The following BOC variants were observed in gnomAD, a reference collection of about 807,000 sequenced individuals.
BOC encodes BOC cell adhesion associated, oncogene regulated.
In BOC, 76 loss-of-function variants were observed where a neutral mutation model predicts 112.0. The ratio of observed to expected loss-of-function variants is 0.68; its 90% CI spans 0.56 to 0.82. The LOEUF is 0.82. Ranked by LOEUF, BOC falls within the 40% of genes least tolerant of loss-of-function variation. The probability of loss-of-function intolerance (pLI) is 0.00; values close to 1 mark genes in which losing one functional copy is unlikely to be tolerated. For missense variants in BOC, 1,309 were observed against 1,511.7 expected, an observed-to-expected ratio of 0.87 and a Z score of 2.22; for synonymous variants, 580 against 599.8, an observed-to-expected ratio of 0.97 and a Z score of 0.48.
At chr3:113,231,699 C>G (rs941814911) in intron 2 of BOC, among the ~76,000 whole-genome samples, 2 of 152,118 alleles carry the variant, frequency 1.3e-5, no homozygotes, top group Admixed American at 1.3e-4. Context: ...ATAGCATTTT[C>G]CTAAATTATT....
Position 113,254,668 on chromosome 3 carries a change from C to T in BOC, c.376+3835C>T, listed in dbSNP as rs1210420353. ...ACCCACACACACTCAGCATGGTAGG[C>T]TTCCTTTTCCTCTGGCCTCTTCTCC... On this transcript the variant is annotated intron_variant, in intron 4 of 19. Transcript: ENST00000682979. Among the ~76,000 whole-genome samples, 5 of 152,242 alleles carry T rather than the reference C, an allele frequency of 3.3e-5. No individual in the cohort carries two copies. The East Asian group carries it at 9.6e-4, about 29-fold the overall frequency.
intron 4 of BOC, among the ~76,000 whole-genome samples, chr3:113,267,007 A>C (rs1048098648): frequency 6.6e-6 from 1 of 152,200 alleles, no homozygotes; most frequent in Admixed American, 6.5e-5. Flanking sequence ...TCTCCACTGG[A>C]AACAACAGCA....
intron 9 of BOC, among the ~76,000 whole-genome samples, chr3:113,277,523 C>T (rs764592310): frequency 4.6e-5 from 7 of 152,214 alleles, no homozygotes; most frequent in Non-Finnish European, 1.0e-4. Flanking sequence ...TTCTCTAAAC[C>T]TTAGTCTCCC....
chr3:113,262,588 G>A (rs74754353), intron 4 of BOC, among the ~76,000 whole-genome samples: 1,798 of 152,256 alleles, frequency 0.012, 39 homozygotes, highest in African/African-American at 0.041. Flanking sequence ...TGCCTGCCCA[G>A]CCCACAGTAA....
intron 15 of BOC, among the ~76,000 whole-genome samples, chr3:113,281,485 A>G (rs903712930): frequency 3.9e-5 from 6 of 152,232 alleles, no homozygotes; most frequent in African/African-American, 1.4e-4. Flanking sequence ...TAACTGAACT[A>G]CAATCCCATG....
Position 113,284,753 on chromosome 3 carries a change from G to A in BOC, c.2890-29G>A, listed in dbSNP as rs753962158. 12 of 1,607,820 alleles carry A rather than the reference G, an allele frequency of 7.5e-6. No homozygotes were observed. The East Asian group carries it at 2.5e-4, about 33-fold the overall frequency. On this transcript the variant is annotated intron_variant, in intron 17 of 19. Transcript: ENST00000682979. The stretch of plus-strand genomic sequence containing the variant: ...AAAGTTACCTGGACTCCCCGGCGTG[G>A]CCGTCTCATTACTCTTCCTTTTGAG...
chr3:113,285,669 G>A, intron 19 of BOC, 104 bp downstream of exon 19: 1 of 1,181,034 alleles, frequency 8.5e-7, no homozygotes, highest in Non-Finnish European at 1.2e-6. Context: ...GGCTTGGTAA[G>A]GAGCCAGCCA....
intron 2 of BOC, among the ~76,000 whole-genome samples, chr3:113,239,965 C>T (rs1439435222): frequency 6.6e-6 from 1 of 152,190 alleles, no homozygotes; most frequent in Non-Finnish European, 1.5e-5. Flanking sequence ...TTGTGTGTCT[C>T]CACCGACTCT....
At position 113,274,286 on chromosome 3, in the gene BOC, G is replaced by T; in HGVS notation, c.1235-89G>T. 1 of 1,344,322 alleles carries T rather than the reference G, an allele frequency of 7.4e-7. No individual in the cohort carries two copies. Among genetic ancestry groups the T allele is most frequent in the Non-Finnish European group, 9.9e-7 (1 of 1,008,680 alleles). 83.3% of individuals were successfully genotyped at this position (1,344,322 alleles called of 1,614,324 possible). On this transcript the variant is annotated intron_variant, in intron 8 of 19. Transcript: ENST00000682979. This position sits in a 1 kb window ranked among gnomAD's most constrained non-coding sequence, Gnocchi z 4.8. ...GATGGTGGGCCCAGGTTGCCTCTCT[G>T]TCTTCTTTCTGTTTTCTCCCCAGGA... is the stretch of plus-strand genomic sequence containing the variant.
chr3:113,221,120 G>A (rs948143208), intron 2 of BOC, among the ~76,000 whole-genome samples: 4 of 152,196 alleles, frequency 2.6e-5, no homozygotes, highest in African/African-American at 4.8e-5. Flanking sequence ...GGCAAATTAC[G>A]TAGACACTGA....
At chr3:113,224,755 T>C (rs1941367543) in intron 2 of BOC, among the ~76,000 whole-genome samples, 1 of 152,100 alleles carries the variant, frequency 6.6e-6, no homozygotes, top group Admixed American at 6.5e-5. Context: ...GGCCAGGAGT[T>C]TGAGACCAGC....
intron 15 of BOC, 32 bp from the exon 16 acceptor site, chr3:113,283,379 T>A: frequency 6.5e-7 from 1 of 1,543,074 alleles, no homozygotes; most frequent in Non-Finnish European, 8.8e-7. Flanking sequence ...CAAAGAAACA[T>A]ATGCTGAAGT....
chr3:113,247,500 GAAA>G (rs58781225), intron 2 of BOC, among the ~76,000 whole-genome samples: 10 of 125,802 alleles, frequency 7.9e-5, no homozygotes, highest in African/African-American at 1.3e-4. Context: ...GCCCTGATAG[GAAA>G]AAAAAAAAAA....
intron 2 of BOC, among the ~76,000 whole-genome samples, chr3:113,223,988 G>A (rs575111840): frequency 6.6e-6 from 1 of 152,320 alleles, no homozygotes; most frequent in Non-Finnish European, 1.5e-5. Context: ...TTCCACATCT[G>A]GAAGTATCAG....
chr3:113,226,206 C>T (rs1401141319), intron 2 of BOC, among the ~76,000 whole-genome samples: 8 of 152,194 alleles, frequency 5.3e-5, no homozygotes, highest in Non-Finnish European at 8.8e-5. Context: ...AAAAAACTCA[C>T]CTTTATCAAA....
At chr3:113,279,203 G>T (rs376575204) in intron 11 of BOC, 46 bp from the exon 12 acceptor site, 1 of 1,584,204 alleles carries the variant, frequency 6.3e-7, no homozygotes, top group African/African-American at 1.3e-5. Context: ...CCTTCCTCAC[G>T]TCATCTCACC....
chr3:113,250,697 T>C lies in BOC; in HGVS notation c.240T>C (p.Asp80=). Reference sequence around the variant, plus strand: ...GAAAGGAGCTGAATGGCTCGGATGATGCTCTGGGTGTCCTCATCACCCACG... The same window carrying C: ...GAAAGGAGCTGAATGGCTCGGATGACGCTCTGGGTGTCCTCATCACCCACG... ...LNGKELNGSD[D]ALGVLITHGT... Residue 80 remains aspartate, a synonymous_variant, in exon 4 of 20, where the codon GAT becomes GAC. Coordinates refer to ENST00000682979, the MANE Select transcript of BOC (RefSeq NM_001378074.1). The C allele has an allele frequency of 6.2e-7, 1 of 1,614,144 alleles. No individual in the cohort carries two copies. The highest frequency in any genetic ancestry group is 8.5e-7 in the Non-Finnish European group (1 of 1,180,032).
At position 113,287,085 on chromosome 3, in the gene BOC, G is replaced by A; in HGVS notation, c.*223G>A. 1 of 577,490 alleles carries A rather than the reference G, an allele frequency of 1.7e-6. No individual in the cohort carries two copies. The highest frequency in any genetic ancestry group is 3.2e-6 in the Non-Finnish European group (1 of 314,778). 35.8% of individuals were successfully genotyped at this position (577,490 alleles called of 1,614,324 possible). ...AAATAAAGAAGCTGCCACCTAACAG[G>A]AGTCACCCAGGAAAGCACCGCACAG... is the stretch of plus-strand genomic sequence containing the variant. On this transcript the variant is annotated 3_prime_UTR_variant, in exon 20 of 20. Transcript: ENST00000682979.
intron 2 of BOC, among the ~76,000 whole-genome samples, chr3:113,230,075 G>A (rs1018756821): frequency 1.2e-4 from 19 of 152,188 alleles, no homozygotes; most frequent in African/African-American, 4.6e-4. Flanking sequence ...CACATTTAAT[G>A]TTATCAGAGA....
Sources: allele counts gnomAD v4.1 joint callset (sites outside exome capture counted in the v4.1 genomes callset), GRCh38; gene constraint gnomAD v4.1.1; non-coding constraint Gnocchi (gnomAD v3.1); transcripts MANE v1.5; gene names NCBI Gene and HGNC (gene_info 2026-07-23, HGNC 2026-07-21).